The following ULK2 variants were observed in gnomAD, a reference collection of about 807,000 sequenced individuals.
ULK2 encodes the protein serine/threonine-protein kinase ULK2.
A neutral mutation model predicts 127.5 loss-of-function variants in ULK2; 76 were observed. The observed-to-expected ratio is 0.60, with a 90% CI of 0.50 to 0.72. The LOEUF (loss-of-function observed/expected upper bound fraction) is 0.72. Among genes scored for constraint, ULK2 ranks in the 30% least tolerant of loss-of-function variants. The probability of loss-of-function intolerance (pLI) is 0.00; values close to 1 mark genes in which losing one functional copy is unlikely to be tolerated. For synonymous variants in ULK2, 452 were observed against 461.9 expected (o/e 0.98, Z 0.28); for missense variants, 1,144 against 1,295.9 (o/e 0.88, Z 1.80).
rs186478863 is a variant in ULK2, at chr17:19,795,257, A to G, written c.2101+365T>C. ...AAAGGTTCAGGGGTCTCAGTGACCT[A>G]TGGGTCTTTATAAAATCCAGTTGCT... On this transcript the variant is annotated intron_variant, in intron 20 of 26. Coordinates refer to ENST00000395544, the MANE Select transcript of ULK2 (RefSeq NM_014683.4). 5.1e-3 allele frequency among the ~76,000 whole-genome samples: 755 copies of G among 146,608 alleles called. 9 individuals carry two copies. The highest frequency in any genetic ancestry group is 0.018 in the African/African-American group (720 of 39,628).
Position 19,804,839 on chromosome 17 carries a change from G to GT in ULK2, c.1158-10dup. On this transcript the variant is annotated splice_polypyrimidine_tract_variant and intron_variant, in intron 14 of 26. Coordinates refer to ENST00000395544, the MANE Select transcript of ULK2 (RefSeq NM_014683.4). The stretch of plus-strand genomic sequence containing the variant: ...CAGTAGGCTGACACTGCCTGCAATC[G>GT]TAATTTATTGAAAAAGGAAAGAAAC... The GT allele has an allele frequency of 6.2e-7, 1 of 1,608,754 alleles. No homozygotes were observed. The highest frequency in any genetic ancestry group is 1.3e-5 in the African/African-American group (1 of 74,774).
chr17:19,809,033 A>T (rs763402614), intron 14 of ULK2, among the ~76,000 whole-genome samples: 3 of 152,248 alleles, frequency 2.0e-5, no homozygotes, highest in African/African-American at 4.8e-5. Flanking sequence ...ATGTTCACCA[A>T]TGGATTAATG....
chr17:19,832,079 G>C (rs1028421615), intron 10 of ULK2, among the ~76,000 whole-genome samples: 14 of 151,482 alleles, frequency 9.2e-5, no homozygotes, highest in African/African-American at 3.4e-4. Flanking sequence ...AGTGAGCCAA[G>C]ATGACGCCAC....
chr17:19,863,977 T>C (rs1228633838), intron 3 of ULK2, among the ~76,000 whole-genome samples: 1 of 152,130 alleles, frequency 6.6e-6, no homozygotes, highest in Non-Finnish European at 1.5e-5. Flanking sequence ...TTCTAATATT[T>C]TTTCAATTTA....
chr17:19,839,567 CAGG>C (rs1041498629), intron 9 of ULK2, among the ~76,000 whole-genome samples: 25 of 148,592 alleles, frequency 1.7e-4, no homozygotes, highest in Admixed American at 6.8e-4. Flanking sequence ...GAGGCTGAGG[CAGG>C]AGAATGGCTT....
At chr17:19,777,052 T>C (rs1026288727) in intron 26 of ULK2, among the ~76,000 whole-genome samples, 4 of 152,172 alleles carry the variant, frequency 2.6e-5, no homozygotes, top group Non-Finnish European at 5.9e-5. Context: ...TATTTATCTA[T>C]ATATCTATCT....
At chr17:19,823,544 A>G (rs1037977867) in intron 12 of ULK2, among the ~76,000 whole-genome samples, 3 of 152,160 alleles carry the variant, frequency 2.0e-5, no homozygotes, top group African/African-American at 7.2e-5. Context: ...TTTGCTTTTC[A>G]TATTACATTG....
chr17:19,863,791 AGT>A (rs2042294511), intron 3 of ULK2, among the ~76,000 whole-genome samples: 1 of 152,158 alleles, frequency 6.6e-6, no homozygotes, highest in Non-Finnish European at 1.5e-5. Flanking sequence ...GATTTCCAAG[AGT>A]AATTTTGACT....
chr17:19,788,487 GA>G (rs1311674774), intron 20 of ULK2, among the ~76,000 whole-genome samples: 2 of 151,454 alleles, frequency 1.3e-5, no homozygotes, highest in African/African-American at 2.4e-5. Context: ...CACTGGCCTT[GA>G]AAAAAAAGAC....
intron 14 of ULK2, among the ~76,000 whole-genome samples, chr17:19,805,521 T>C (rs2087496430): frequency 6.6e-6 from 1 of 152,214 alleles, no homozygotes; most frequent in South Asian, 2.1e-4. Flanking sequence ...AACACTTTTG[T>C]AGTGGAGATG....
chr17:19,828,785 A>G (rs1229221044), intron 10 of ULK2, among the ~76,000 whole-genome samples: 1 of 152,248 alleles, frequency 6.6e-6, no homozygotes, highest in Non-Finnish European at 1.5e-5. Flanking sequence ...TTAAAAGGAA[A>G]TAATCCAACT....
At chr17:19,823,758 C>T (rs1359420004) in intron 12 of ULK2, among the ~76,000 whole-genome samples, 1 of 152,120 alleles carries the variant, frequency 6.6e-6, no homozygotes, top group East Asian at 1.9e-4. Context: ...TTGGTGCCAG[C>T]GTGTCTGGCT....
At chr17:19,794,739 AAGG>A (rs1871366594) in intron 20 of ULK2, among the ~76,000 whole-genome samples, 2 of 149,758 alleles carry the variant, frequency 1.3e-5, no homozygotes, top group Admixed American at 1.3e-4. Flanking sequence ...AAAAAAAAAC[AAGG>A]AGATTACAAT....
chr17:19,835,438 C>T (rs1343291109), intron 10 of ULK2, among the ~76,000 whole-genome samples: 2 of 146,076 alleles, frequency 1.4e-5, no homozygotes, highest in Non-Finnish European at 3.0e-5. Context: ...CTGTAGAGGC[C>T]GGGCGCGGTG....
rs145056970 is a variant in ULK2, at chr17:19,797,505, C to T, written c.1700G>A (p.Arg567Gln). 225 of 1,613,840 alleles carry T rather than the reference C, an allele frequency of 1.4e-4. No homozygotes were observed. The highest frequency in any genetic ancestry group is 1.7e-4 in the Non-Finnish European group (203 of 1,179,996). Reference protein sequence around the residue: ...AGYSYSPQPSRPGSLGTSPTK... With the variant: ...AGYSYSPQPSQPGSLGTSPTK... Reference sequence around the variant, plus strand: ...GGGAGAAGTTCCAAGGCTGCCAGGCCGACTGGGCTGAGGCGAGTAGCTGTA... The same window carrying T: ...GGGAGAAGTTCCAAGGCTGCCAGGCTGACTGGGCTGAGGCGAGTAGCTGTA... The change falls in exon 18 of 27, where the codon CGG becomes CAG. Residue 567 changes from arginine (R) to glutamine (Q), a missense_variant. Coordinates refer to ENST00000395544, the MANE Select transcript of ULK2 (RefSeq NM_014683.4).
In ULK2 at chr17:19,841,520, A is replaced by G; in HGVS notation, c.673T>C (p.Phe225Leu). The G allele has an allele frequency of 6.3e-7, 1 of 1,593,712 alleles. No homozygotes were observed. The highest frequency in any genetic ancestry group is 8.5e-7 in the Non-Finnish European group (1 of 1,174,762). The stretch of plus-strand genomic sequence containing the variant: ...ATTAAGCTCCTGTTTTTTTCATAAA[A>G]CATCCTTAAGTCTTGAGGACTATTG... Reference protein sequence around the residue: ...QANSPQDLRMFYEKNRSLMPS... With the variant: ...QANSPQDLRMLYEKNRSLMPS... Residue 225 changes from phenylalanine to leucine, a missense_variant, in exon 9 of 27, where the codon TTT becomes CTT. Phe to Leu is a conservative substitution (Grantham distance 22). Transcript: ENST00000395544.
chr17:19,807,501 T>C (rs1181186142), intron 14 of ULK2, among the ~76,000 whole-genome samples: 1 of 152,186 alleles, frequency 6.6e-6, no homozygotes, highest in Non-Finnish European at 1.5e-5. Context: ...ATAGATATTA[T>C]ATTCCCTACA....
At chr17:19,833,501 G>A (rs2041515932) in intron 10 of ULK2, among the ~76,000 whole-genome samples, 1 of 151,954 alleles carries the variant, frequency 6.6e-6, no homozygotes, top group Admixed American at 6.6e-5. Flanking sequence ...GTGAGCCCAG[G>A]AGTTCAAGAC....
intron 13 of ULK2, among the ~76,000 whole-genome samples, chr17:19,814,427 TATATATATA>T (rs1356807784): frequency 6.2e-5 from 1 of 16,016 alleles, no homozygotes; most frequent in Non-Finnish European, 1.2e-4. Context: ...TATATATATA[TATATATATA>T]TATTTTTTTT....
Sources: allele counts gnomAD v4.1 joint callset (sites outside exome capture counted in the v4.1 genomes callset), GRCh38; gene constraint gnomAD v4.1.1; transcripts MANE v1.5; gene names NCBI Gene and HGNC (gene_info 2026-07-23, HGNC 2026-07-21).